FAR1: variants seen among roughly 807,000 people sequenced by gnomAD.
The protein encoded by FAR1 is fatty acyl-CoA reductase 1.
A neutral mutation model predicts 61.1 loss-of-function variants in FAR1; 22 were observed. That is an observed-to-expected ratio of 0.36 (90% CI 0.26 to 0.51). The LOEUF (loss-of-function observed/expected upper bound fraction) is 0.51, where lower values mean the gene tolerates loss of function less well. FAR1 is among the 20% of genes least tolerant of loss of function. The pLI, the probability that FAR1 is intolerant of heterozygous loss-of-function variation, is 0.95. For synonymous variants in FAR1, 206 were observed against 209.7 expected (o/e 0.98, Z 0.15); for missense variants, 359 against 626.9 (o/e 0.57, Z 4.56).
intron 2 of FAR1, among the ~76,000 whole-genome samples, chr11:13,699,907 ATGAAG>A (rs1352456678): frequency 3.3e-5 from 5 of 152,314 alleles, no homozygotes; most frequent in East Asian, 1.9e-4. Context: ...TAAAATAAAA[ATGAAG>A]TGAAGTGAAA....
Position 13,668,752 on chromosome 11 carries a change from C to A in FAR1, c.-62C>A, listed in dbSNP as rs1174536397. The A allele has an allele frequency of 1.3e-5, 2 of 156,434 alleles. No homozygotes were observed. Among genetic ancestry groups the A allele is most frequent in the African/African-American group, 2.4e-5 (1 of 41,470 alleles). 9.7% of individuals were successfully genotyped at this position (156,434 alleles called of 1,614,324 possible). Reference sequence around the variant, plus strand: ...AGCGCGACGGCGGCGGCGGCGGCGGCGCAGCTATTGCTGGACGGCCAGTGG... The same window carrying A: ...AGCGCGACGGCGGCGGCGGCGGCGGAGCAGCTATTGCTGGACGGCCAGTGG... On this transcript the variant is annotated 5_prime_UTR_variant, in exon 1 of 12. Transcript: ENST00000354817.
At chr11:13,681,046 A>G (rs946531858) in intron 1 of FAR1, among the ~76,000 whole-genome samples, 9 of 152,200 alleles carry the variant, frequency 5.9e-5, no homozygotes, top group African/African-American at 2.2e-4. Flanking sequence ...TCAACTCCAG[A>G]TGGTAATGCT....
chr11:13,698,830 CA>C lies in FAR1; in HGVS notation c.190-1472del, dbSNP rs75986780. Among the ~76,000 whole-genome samples, 957 of 131,110 alleles carry C rather than the reference CA, an allele frequency of 7.3e-3. 2 individuals are homozygous for C. Among genetic ancestry groups the C allele is most frequent in the African/African-American group, 0.015 (555 of 35,810 alleles). 86.0% of individuals were successfully genotyped at this position (131,110 alleles called of 152,430 possible). A position where few individuals can be genotyped will look rare whatever the true frequency, so the allele number is the denominator to read the frequency against. ...TGGGCAACAGAGCAAGACTCCGTCT[CA>C]AAAAAAAAAAAAAATCTTTATCAGT... is the stretch of plus-strand genomic sequence containing the variant. On this transcript the variant is annotated intron_variant, in intron 2 of 11. Coordinates refer to ENST00000354817, the MANE Select transcript of FAR1 (RefSeq NM_032228.6).
intron 3 of FAR1, among the ~76,000 whole-genome samples, chr11:13,704,727 A>G (rs1444734520): frequency 1.4e-5 from 2 of 147,964 alleles, no homozygotes; most frequent in Admixed American, 1.4e-4. Flanking sequence ...CTATATTTTC[A>G]TTAAGATTAA....
At chr11:13,717,275 A>G (rs1848567352) in intron 9 of FAR1, among the ~76,000 whole-genome samples, 2 of 152,036 alleles carry the variant, frequency 1.3e-5, no homozygotes, top group Admixed American at 1.3e-4. Context: ...TTGTCAGCAT[A>G]GCTCCTCAAG....
At position 13,728,904 on chromosome 11, in the gene FAR1, T is replaced by G. The variant is rs1206391825; in HGVS notation, c.*130T>G. 2.5e-6 allele frequency: 2 copies of G among 808,914 alleles called. No individual in the cohort carries two copies. Among genetic ancestry groups the G allele is most frequent in the African/African-American group, 3.4e-5 (2 of 58,132 alleles). 50.1% of individuals were successfully genotyped at this position (808,914 alleles called of 1,614,324 possible). Reference sequence around the variant, plus strand: ...TTAGATCGGAGTGTGAAGTAAATTATGGTATATTTTATGTAACATTTTAAT... The same window carrying G: ...TTAGATCGGAGTGTGAAGTAAATTAGGGTATATTTTATGTAACATTTTAAT... On this transcript the variant is annotated 3_prime_UTR_variant, in exon 12 of 12. Transcript: ENST00000354817.
At chr11:13,727,892 ACT>A (rs879178504) in intron 11 of FAR1, among the ~76,000 whole-genome samples, 1 of 151,838 alleles carries the variant, frequency 6.6e-6, no homozygotes, top group African/African-American at 2.4e-5. Flanking sequence ...ATGCCTCATA[ACT>A]CTGTGCGACT....
At chr11:13,673,533 G>A (rs1357510095) in intron 1 of FAR1, among the ~76,000 whole-genome samples, 1 of 152,248 alleles carries the variant, frequency 6.6e-6, no homozygotes, top group South Asian at 2.1e-4. Context: ...CTAATAGCAC[G>A]GAGGACTGAT....
intron 4 of FAR1, among the ~76,000 whole-genome samples, chr11:13,708,445 G>A (rs76743121): frequency 0.055 from 4,471 of 80,924 alleles, 99 homozygotes; most frequent in Non-Finnish European, 0.079. Context: ...GCGCGCGCGC[G>A]CGCACACACA....
chr11:13,676,913 C>A (rs1848074415), intron 1 of FAR1, among the ~76,000 whole-genome samples: 1 of 152,096 alleles, frequency 6.6e-6, no homozygotes, highest in Non-Finnish European at 1.5e-5. Flanking sequence ...ACTGTGAAAG[C>A]CAGAAGAGAT....
intron 9 of FAR1, among the ~76,000 whole-genome samples, chr11:13,718,286 A>G (rs17456699): frequency 0.097 from 14,695 of 152,130 alleles, 795 homozygotes; most frequent in Middle Eastern, 0.13. Context: ...GACATTTTAC[A>G]TTTCCTCCAA....
chr11:13,697,865 T>A (rs1406692), intron 2 of FAR1, among the ~76,000 whole-genome samples: 83,939 of 151,884 alleles, frequency 0.55, 23,464 homozygotes, highest in Non-Finnish European at 0.58. Context: ...AGGCCTTGTT[T>A]TCTCACTAGG....
chr11:13,701,289 C>CT (rs1399540461), intron 3 of FAR1, among the ~76,000 whole-genome samples: 2 of 142,480 alleles, frequency 1.4e-5, no homozygotes, highest in Admixed American at 6.8e-5. Context: ...ATTGAATGCT[C>CT]TAACAAAGAA....
chr11:13,711,042 A>G (rs971628903), intron 5 of FAR1, 172 bp downstream of exon 5: 28 of 578,160 alleles, frequency 4.8e-5, no homozygotes, highest in Admixed American at 1.1e-4. Context: ...TTTCATTTCT[A>G]TAATGTGACG....
intron 8 of FAR1, among the ~76,000 whole-genome samples, chr11:13,713,238 A>G (rs948328253): frequency 3.3e-5 from 5 of 152,104 alleles, no homozygotes; most frequent in Non-Finnish European, 7.4e-5. Context: ...ACTGCTGTCT[A>G]TTCTTACCCA....
intron 1 of FAR1, among the ~76,000 whole-genome samples, chr11:13,688,186 A>T (rs960704925): frequency 6.6e-6 from 1 of 151,750 alleles, no homozygotes; most frequent in Non-Finnish European, 1.5e-5. Flanking sequence ...GCAAAAAAAA[A>T]TATATATTTA....
At chr11:13,723,362 C>CAAAAAA (rs71313446) in intron 10 of FAR1, 62 of 259,950 alleles carry the variant, frequency 2.4e-4, no homozygotes, top group Admixed American at 4.9e-4. Flanking sequence ...GAGAGTCTCT[C>CAAAAAA]AAAAAAAAAA....
At chr11:13,710,381 A>G (rs1165279493) in intron 4 of FAR1, among the ~76,000 whole-genome samples, 2 of 152,080 alleles carry the variant, frequency 1.3e-5, no homozygotes, top group Non-Finnish European at 2.9e-5. Flanking sequence ...CATGTAAAAT[A>G]TATGAATGTT....
intron 1 of FAR1, among the ~76,000 whole-genome samples, chr11:13,679,490 G>T (rs1323322012): frequency 1.3e-5 from 2 of 151,840 alleles, no homozygotes; most frequent in East Asian, 3.9e-4. Flanking sequence ...GTTATTTTGG[G>T]TGCTTCTTCC....
Sources: allele counts gnomAD v4.1 joint callset (sites outside exome capture counted in the v4.1 genomes callset), GRCh38; gene constraint gnomAD v4.1.1; transcripts MANE v1.5; gene names NCBI Gene and HGNC (gene_info 2026-07-23, HGNC 2026-07-21).